KLK6: variants seen among roughly 807,000 people sequenced by gnomAD.
KLK6 encodes kallikrein related peptidase 6.
KLK6 carries 16 observed loss-of-function variants against 21.7 expected under a neutral mutation model. That is an observed-to-expected ratio of 0.74 (90% CI 0.50 to 1.12). KLK6 has a LOEUF of 1.12. KLK6 is among the 50% of genes most tolerant of loss of function. KLK6 has a pLI of 0.00. For missense variants in KLK6, 276 were observed against 304.6 expected, an observed-to-expected ratio of 0.91 and a Z score of 0.70; for synonymous variants, 116 against 120.1, an observed-to-expected ratio of 0.97 and a Z score of 0.22.
At position 50,959,204 on chromosome 19, in the gene KLK6, C is replaced by G. The variant is rs2123605941; in HGVS notation, c.695G>C (p.Arg232Thr). 6.2e-7 allele frequency: 1 copy of G among 1,614,096 alleles called. No homozygotes were observed. The highest frequency in any genetic ancestry group is 1.1e-5 in the South Asian group (1 of 91,070). ...GGTTTTTTGGATCCAGTTCGTGTAT[C>G]TGCAGACGTTGGTGTAGACTCCTGG... The part of the protein sequence containing the change: ...EKPGVYTNVC[R>T]YTNWIQKTIQ... The change falls in exon 7 of 7, where the codon AGA becomes ACA. Residue 232 changes from arginine (R) to threonine (T), a missense_variant. Coordinates refer to ENST00000310157, the MANE Select transcript of KLK6 (RefSeq NM_002774.4).
chr19:50,959,892 AGAGGAG>A (rs146102831), intron 6 of KLK6, among the ~76,000 whole-genome samples: 1 of 25,254 alleles, frequency 4.0e-5, no homozygotes, highest in Admixed American at 4.4e-4. Flanking sequence ...AGGAGGAGGA[AGAGGAG>A]GAGGAGAAGG....
At chr19:50,963,608 G>A in intron 4 of KLK6, 59 bp from the exon 5 acceptor site, 1 of 1,594,380 alleles carries the variant, frequency 6.3e-7, no homozygotes, top group Non-Finnish European at 8.6e-7. Flanking sequence ...TGAGGCTTCA[G>A]AGAGGGCTGG....
Position 50,959,198 on chromosome 19 carries a change from G to T in KLK6, c.701C>A (p.Thr234Lys), listed in dbSNP as rs77760094. Reference protein sequence around the residue: ...PGVYTNVCRYTNWIQKTIQAK With the variant: ...PGVYTNVCRYKNWIQKTIQAK ...CTGAATGGTTTTTTGGATCCAGTTC[G>T]TGTATCTGCAGACGTTGGTGTAGAC... The change falls in exon 7 of 7, where the codon ACG becomes AAG. Residue 234 changes from threonine to lysine, a missense_variant. Thr to Lys is a moderately conservative substitution (Grantham distance 78, BLOSUM62 -1). Coordinates refer to ENST00000310157, the MANE Select transcript of KLK6 (RefSeq NM_002774.4). 11 of 1,614,012 alleles carry T rather than the reference G, an allele frequency of 6.8e-6. No individual in the cohort carries two copies. In the East Asian group the frequency reaches 2.2e-4, roughly 33 times the overall value.
Position 50,963,459 on chromosome 19 carries a change from A to G in KLK6, c.288T>C (p.Pro96=), listed in dbSNP as rs753830956. The change falls in exon 5 of 7, where the codon CCT becomes CCC. Residue 96 remains proline (P), a synonymous_variant. Coordinates refer to ENST00000310157, the MANE Select transcript of KLK6 (RefSeq NM_002774.4). ...GGTCATGGCTGGCGGCATCATAGTCAGGGTGGATCACAGCCCGGACAACAG... is the reference window on the plus strand; with the variant it reads ...GGTCATGGCTGGCGGCATCATAGTCGGGGTGGATCACAGCCCGGACAACAG... ...QSSVVRAVIH[P]DYDAASHDQD... is the part of the protein sequence containing the mutation. 3 of 1,614,174 alleles carry G rather than the reference A, an allele frequency of 1.9e-6. No homozygotes were observed. Among genetic ancestry groups the G allele is most frequent in the Non-Finnish European group, 1.7e-6 (2 of 1,180,026 alleles).
intron 4 of KLK6, among the ~76,000 whole-genome samples, chr19:50,966,196 G>A (rs188018189): frequency 7.4e-4 from 113 of 152,096 alleles, no homozygotes; most frequent in East Asian, 4.8e-3. Flanking sequence ...GCCTACACCC[G>A]GCCTGTTTCT....
Position 50,959,363 on chromosome 19 carries a change from CTGTGTGTGTG to C in KLK6, c.583-57_583-48del, listed in dbSNP as rs71185782. 1.4e-3 allele frequency: 1,170 copies of C among 841,630 alleles called. 1 individual carries two copies. The highest frequency in any genetic ancestry group is 9.7e-3 in the Middle Eastern group (27 of 2,780). 52.1% of individuals were successfully genotyped at this position (841,630 alleles called of 1,614,324 possible). A position where few individuals can be genotyped will look rare whatever the true frequency, so the allele number is the denominator to read the frequency against. On this transcript the variant is annotated intron_variant, in intron 6 of 6. Transcript: ENST00000310157. Reference sequence around the variant, plus strand: ...TCAGATACAGATAGAAACCCAGAGACTGTGTGTGTGTGTGTGTGTGTGTGTGTGTGTGTGT... The same window carrying C: ...TCAGATACAGATAGAAACCCAGAGACTGTGTGTGTGTGTGTGTGTGTGTGT...
intron 6 of KLK6, 46 bp downstream of exon 6, chr19:50,961,698 T>C: frequency 6.3e-7 from 1 of 1,594,272 alleles, no homozygotes; most frequent in Non-Finnish European, 8.5e-7. Flanking sequence ...TTTTGTGACT[T>C]CGTCCTGTCC....
rs1447277423 is a variant in KLK6, at chr19:50,968,194, C to T, written c.-8-82G>A. On this transcript the variant is annotated intron_variant, in intron 2 of 6. Transcript: ENST00000310157. ...TCTGTCTGCTCCCTCTGCATCCTCT[C>T]CTTCCTTCCTGGCCTGCTATGGTCT... 6.3e-6 allele frequency: 8 copies of T among 1,260,212 alleles called. No homozygotes were observed. The Admixed American group carries it at 1.2e-4, about 19-fold the overall frequency. 78.1% of individuals were successfully genotyped at this position (1,260,212 alleles called of 1,614,324 possible). A position where few individuals can be genotyped will look rare whatever the true frequency, so the allele number is the denominator to read the frequency against.
Position 50,961,802 on chromosome 19 carries a change from T to A in KLK6, c.524A>T (p.Gln175Leu). The A allele has an allele frequency of 6.2e-7, 1 of 1,614,060 alleles. No individual in the cohort carries two copies. Among genetic ancestry groups the A allele is most frequent in the Middle Eastern group, 1.7e-4 (1 of 6,058 alleles). ...REECEHAYPG[Q>L]ITQNMLCAGD... ...AGCACACAACATGTTCTGGGTGATC[T>A]GGCCAGGGTAGGCATGCTCACACTC... The change falls in exon 6 of 7, where the codon CAG becomes CTG. Residue 175 changes from glutamine to leucine, a missense_variant. Coordinates refer to ENST00000310157, the MANE Select transcript of KLK6 (RefSeq NM_002774.4).
At chr19:50,966,448 T>A (rs1471936930) in intron 4 of KLK6, among the ~76,000 whole-genome samples, 1 of 152,184 alleles carries the variant, frequency 6.6e-6, no homozygotes, top group East Asian at 1.9e-4. Flanking sequence ...CACGTGGGCC[T>A]CCCTCCCTCT....
chr19:50,959,468 A>G, intron 6 of KLK6, 152 bp from the exon 7 acceptor site: 1 of 668,448 alleles, frequency 1.5e-6, no homozygotes, highest in East Asian at 2.7e-5. Flanking sequence ...AGAAAGACTC[A>G]GGGACAGAGA....
Position 50,967,270 on chromosome 19 carries a change from A to C in KLK6, c.96T>G (p.Ser32=), listed in dbSNP as rs759225073. 6.2e-7 allele frequency: 1 copy of C among 1,614,030 alleles called. No homozygotes were observed. The highest frequency in any genetic ancestry group is 1.7e-5 in the Admixed American group (1 of 60,002). The change falls in exon 4 of 7, where the codon TCT becomes TCG. Residue 32 remains serine (S), a synonymous_variant. Coordinates refer to ENST00000310157, the MANE Select transcript of KLK6 (RefSeq NM_002774.4). ...TGTAGAGGGCAGCTTGGTAGGGGTG[A>C]GATGTCTTGTCGCAGGGTCCGCCAT... ...LVHGGPCDKT[S]HPYQAALYTS...
chr19:50,959,847 A>G (rs1357318513), intron 6 of KLK6, among the ~76,000 whole-genome samples: 7 of 14,112 alleles, frequency 5.0e-4, no homozygotes, highest in African/African-American at 1.0e-3. Flanking sequence ...AGAAGGAGGA[A>G]GAAGAGGAGG....
chr19:50,966,215 C>G (rs767543818), intron 4 of KLK6, among the ~76,000 whole-genome samples: 15 of 152,178 alleles, frequency 9.9e-5, no homozygotes, highest in Non-Finnish European at 1.6e-4. Context: ...CTCTTTCCCT[C>G]TCCCACAACT....
At chr19:50,968,181 C>T (rs1012584650) in intron 2 of KLK6, 69 bp from the exon 3 acceptor site, 11 of 1,357,018 alleles carry the variant, frequency 8.1e-6, no homozygotes, top group Non-Finnish European at 1.2e-5. Flanking sequence ...TGTCTGCTCC[C>T]TCTGCATCCT....
At chr19:50,960,305 G>T (rs1057038767) in intron 6 of KLK6, among the ~76,000 whole-genome samples, 8 of 151,998 alleles carry the variant, frequency 5.3e-5, no homozygotes, top group Admixed American at 5.2e-4. Context: ...GCTATGTATC[G>T]CTTTCCCTGT....
rs2090910598 is a variant in KLK6, at chr19:50,965,441, C to T, written c.197+1728G>A. Among the ~76,000 whole-genome samples the T allele has an allele frequency of 2.0e-5, 3 of 152,078 alleles. 1 individual carries two copies. Among genetic ancestry groups the T allele is most frequent in the South Asian group, 4.2e-4 (2 of 4,808 alleles). On this transcript the variant is annotated intron_variant, in intron 4 of 6. Transcript: ENST00000310157. The stretch of plus-strand genomic sequence containing the variant: ...CTGGAATTACAGAAGCCCACCACCA[C>T]GCCTGGCTAATTTTTTGTATTTTCA...
Position 50,959,321 on chromosome 19 carries a change from A to G in KLK6, c.583-5T>C. 1 of 1,611,558 alleles carries G rather than the reference A, an allele frequency of 6.2e-7. No individual in the cohort carries two copies. Among genetic ancestry groups the G allele is most frequent in the Non-Finnish European group, 8.5e-7 (1 of 1,178,986 alleles). ...CAGCGGACCCCCAGAATCACCCTGCAGGAAAGAGGGAGAAAGTCAGATACA... is the reference window on the plus strand; with the variant it reads ...CAGCGGACCCCCAGAATCACCCTGCGGGAAAGAGGGAGAAAGTCAGATACA... On this transcript the variant is annotated splice_region_variant and splice_polypyrimidine_tract_variant and intron_variant, in intron 6 of 6. Coordinates refer to ENST00000310157, the MANE Select transcript of KLK6 (RefSeq NM_002774.4).
At chr19:50,967,511 C>CACACACA (rs1555781647) in intron 3 of KLK6, among the ~76,000 whole-genome samples, 186 bp from the exon 4 acceptor site, 2 of 125,566 alleles carry the variant, frequency 1.6e-5, no homozygotes, top group East Asian at 2.3e-4. Context: ...GACCTCATCT[C>CACACACA]CACACACACA....
Sources: gnomAD v4.1 joint callset for allele counts (sites outside exome capture counted in the v4.1 genomes callset) on GRCh38, gnomAD v4.1.1 for gene constraint, MANE v1.5 for transcripts, NCBI Gene and HGNC (gene_info 2026-07-23, HGNC 2026-07-21) for gene names.